CSMD1: variants seen among roughly 807,000 people sequenced by gnomAD.
The protein encoded by CSMD1 is CUB and sushi domain-containing protein 1.
Under a neutral mutation model 417.5 loss-of-function variants are expected in CSMD1, and 213 were observed. The ratio of observed to expected loss-of-function variants is 0.51; its 90% CI spans 0.46 to 0.57. The LOEUF is 0.57. Among genes scored for constraint, CSMD1 ranks in the 20% least tolerant of loss-of-function variants. The probability of loss-of-function intolerance (pLI) is 0.00; values close to 1 mark genes in which losing one functional copy is unlikely to be tolerated. For synonymous variants in CSMD1, 2,862 were observed against 1,736.8 expected (o/e 1.65, Z -16.11); for missense variants, 6,923 against 4,529.7 (o/e 1.53, Z -15.17).
chr8:4,378,932 T>G (rs1802924374), intron 3 of CSMD1, among the ~76,000 whole-genome samples: 1 of 152,204 alleles, frequency 6.6e-6, no homozygotes, highest in African/African-American at 2.4e-5. Context: ...CCTGGAATTG[T>G]GATAAATTCC....
intron 5 of CSMD1, among the ~76,000 whole-genome samples, chr8:3,917,739 C>A (rs1360188770): frequency 3.3e-5 from 5 of 152,136 alleles, no homozygotes; most frequent in Non-Finnish European, 5.9e-5. Context: ...TCACCACTCT[C>A]AAGGCCACAG....
At chr8:3,799,722 C>T (rs1045458396) in intron 5 of CSMD1, among the ~76,000 whole-genome samples, 35 of 151,938 alleles carry the variant, frequency 2.3e-4, no homozygotes, top group African/African-American at 8.0e-4. Flanking sequence ...GTTTGACATT[C>T]TGTGCATTGT....
chr8:4,016,979 C>A (rs1025390504), intron 4 of CSMD1, among the ~76,000 whole-genome samples: 7 of 152,046 alleles, frequency 4.6e-5, no homozygotes, highest in African/African-American at 1.7e-4. Flanking sequence ...TGTCTAAAAC[C>A]CTGAAATCAC....
At chr8:3,283,696 C>T (rs556727054) in intron 26 of CSMD1, among the ~76,000 whole-genome samples, 49 of 152,242 alleles carry the variant, frequency 3.2e-4, no homozygotes, top group African/African-American at 1.1e-3. Flanking sequence ...AAGGACACTC[C>T]CAGGATGCAG....
chr8:3,406,292 A>G, intron 14 of CSMD1, 71 bp from the exon 15 acceptor site: 1 of 1,255,080 alleles, frequency 8.0e-7, no homozygotes, highest in South Asian at 1.5e-5. Flanking sequence ...AAAAAAGAAG[A>G]AAACAGAACA....
intron 2 of CSMD1, among the ~76,000 whole-genome samples, chr8:4,545,138 A>C (rs1180162098): frequency 6.6e-6 from 1 of 152,204 alleles, no homozygotes; most frequent in Non-Finnish European, 1.5e-5. Context: ...ACAGGTTTTA[A>C]AGTGAAACAG....
At chr8:3,899,899 C>T (rs569013278) in intron 5 of CSMD1, among the ~76,000 whole-genome samples, 2 of 152,340 alleles carry the variant, frequency 1.3e-5, no homozygotes, top group African/African-American at 4.8e-5. Context: ...TAAGAACTTG[C>T]TTAAAACATG....
chr8:3,963,179 T>G (rs59102026), intron 5 of CSMD1, among the ~76,000 whole-genome samples: 2,345 of 152,178 alleles, frequency 0.015, 53 homozygotes, highest in African/African-American at 0.053. Flanking sequence ...TAACCCTCCA[T>G]TCTCGGCCTC....
intron 3 of CSMD1, among the ~76,000 whole-genome samples, chr8:4,167,074 T>TA (rs1321082629): frequency 1.3e-5 from 2 of 152,074 alleles, no homozygotes; most frequent in Non-Finnish European, 2.9e-5. Context: ...GAAAAAAACT[T>TA]AGAATATCTG....
chr8:3,996,174 G>T (rs1815198559), intron 5 of CSMD1, among the ~76,000 whole-genome samples: 1 of 145,478 alleles, frequency 6.9e-6, no homozygotes, highest in Non-Finnish European at 1.6e-5. Context: ...TAACAAATCG[G>T]CCTCACTTGC....
At chr8:4,562,878 T>A (rs1563289258) in intron 2 of CSMD1, among the ~76,000 whole-genome samples, 1 of 152,184 alleles carries the variant, frequency 6.6e-6, no homozygotes, top group Admixed American at 6.5e-5. Context: ...AAAACCTTAG[T>A]AAGTAACCTC....
chr8:4,831,998 T>C (rs748513760), intron 1 of CSMD1, among the ~76,000 whole-genome samples: 9 of 152,188 alleles, frequency 5.9e-5, no homozygotes, highest in Non-Finnish European at 1.3e-4. Context: ...ACTGCACACA[T>C]AGTCACTTTC....
intron 3 of CSMD1, among the ~76,000 whole-genome samples, chr8:4,036,760 A>T (rs994253701): frequency 1.3e-5 from 2 of 152,236 alleles, no homozygotes; most frequent in Non-Finnish European, 2.9e-5. Flanking sequence ...CAGGTCCTCA[A>T]ATAGCACTGT....
At chr8:3,429,030 C>A (rs1814036241) in intron 12 of CSMD1, among the ~76,000 whole-genome samples, 1 of 152,038 alleles carries the variant, frequency 6.6e-6, no homozygotes, top group South Asian at 2.1e-4. Context: ...TTACCAGAGA[C>A]TGGGGGAGGC....
At chr8:4,925,966 C>T (rs558051147) in intron 1 of CSMD1, among the ~76,000 whole-genome samples, 1 of 152,202 alleles carries the variant, frequency 6.6e-6, no homozygotes, top group Non-Finnish European at 1.5e-5. Flanking sequence ...TTTTGTTTTC[C>T]TATTACAGTT....
chr8:3,580,617 C>T (rs1273773820), intron 9 of CSMD1, among the ~76,000 whole-genome samples: 1 of 152,066 alleles, frequency 6.6e-6, no homozygotes, highest in East Asian at 1.9e-4. Context: ...TCCCAGGTGA[C>T]CTTCAGGTAA....
At chr8:3,307,471 T>G (rs1306795459) in intron 25 of CSMD1, among the ~76,000 whole-genome samples, 2 of 152,202 alleles carry the variant, frequency 1.3e-5, no homozygotes, top group Non-Finnish European at 2.9e-5. Flanking sequence ...AGAAGCTAAC[T>G]GATACACTCT....
chr8:3,170,678 T>G (rs967471113), intron 37 of CSMD1, among the ~76,000 whole-genome samples: 32 of 152,220 alleles, frequency 2.1e-4, no homozygotes, highest in African/African-American at 7.5e-4. Context: ...CCATGGATCA[T>G]GCACAACTGT....
intron 3 of CSMD1, among the ~76,000 whole-genome samples, chr8:4,098,378 A>C (rs940933450): frequency 1.3e-5 from 2 of 150,800 alleles, no homozygotes; most frequent in African/African-American, 4.9e-5. Context: ...TTTTCTACAA[A>C]ATTTAATTTT....
Sources: allele counts gnomAD v4.1 joint callset (sites outside exome capture counted in the v4.1 genomes callset), GRCh38; gene constraint gnomAD v4.1.1; transcripts MANE v1.5; gene names NCBI Gene and HGNC (gene_info 2026-07-23, HGNC 2026-07-21).